The following MAP3K3 variants were observed in gnomAD, a reference collection of about 807,000 sequenced individuals.
The protein encoded by MAP3K3 is mitogen-activated protein kinase kinase kinase 3.
Under a neutral mutation model 80.9 loss-of-function variants are expected in MAP3K3, and 12 were observed. The ratio of observed to expected loss-of-function variants is 0.15; its 90% confidence interval spans 0.10 to 0.24. MAP3K3 has a LOEUF of 0.24. Ranked by LOEUF, MAP3K3 falls within the 10% of genes least tolerant of loss-of-function variation. The pLI, the probability that MAP3K3 is intolerant of heterozygous loss-of-function variation, is 1.00. For missense variants in MAP3K3, 596 were observed against 834.7 expected (o/e 0.71, Z 3.52); for synonymous variants, 272 against 307.1 (o/e 0.89, Z 1.19).
At chr17:63,655,159 AAC>A (rs1461218526) in intron 4 of MAP3K3, among the ~76,000 whole-genome samples, 1 of 152,190 alleles carries the variant, frequency 6.6e-6, no homozygotes, top group African/African-American at 2.4e-5. Context: ...AGGGAAAGCA[AAC>A]ACATCCTTCA....
At chr17:63,669,441 C>T (rs995367918) in intron 6 of MAP3K3, among the ~76,000 whole-genome samples, 5 of 152,052 alleles carry the variant, frequency 3.3e-5, no homozygotes, top group African/African-American at 1.2e-4. Flanking sequence ...GCCCCTTATA[C>T]CCATCACCAT....
chr17:63,669,928 C>T (rs1417109607), intron 6 of MAP3K3, among the ~76,000 whole-genome samples: 1 of 151,682 alleles, frequency 6.6e-6, no homozygotes, highest in East Asian at 2.0e-4. Flanking sequence ...CATGGCAAAA[C>T]CCCGTCTCTA....
intron 4 of MAP3K3, among the ~76,000 whole-genome samples, chr17:63,654,971 G>C (rs1441691654): frequency 6.6e-6 from 1 of 152,084 alleles, no homozygotes; most frequent in Non-Finnish European, 1.5e-5. Context: ...GAGAGGCGGA[G>C]GTTGCAATGA....
rs1253165185 is a variant in MAP3K3 at position 63,689,219 on chromosome 17, C to T, written c.872-325C>T. 2.8e-5 allele frequency: 15 copies of T among 527,080 alleles called. No individual in the cohort carries two copies. Among genetic ancestry groups the T allele is most frequent in the Admixed American group, 1.0e-4 (3 of 29,442 alleles). 32.7% of individuals were successfully genotyped at this position (527,080 alleles called of 1,614,324 possible). On this transcript the variant is annotated intron_variant, in intron 10 of 15. Transcript: ENST00000361733. The surrounding 1 kb of genome is among the most constrained non-coding windows in gnomAD (Gnocchi z 4.3). ...TAGGATACAAGGAAATCAGTGCCTT[C>T]GGGTGTGGCTTGGCCTTGCAAGCAA... is the stretch of plus-strand genomic sequence containing the variant.
intron 2 of MAP3K3, among the ~76,000 whole-genome samples, chr17:63,643,863 C>T (rs1435072776): frequency 1.3e-5 from 2 of 151,992 alleles, no homozygotes; most frequent in Non-Finnish European, 2.9e-5. Flanking sequence ...TTCAGGGGAA[C>T]GAGAAAAAGA....
intron 3 of MAP3K3, among the ~76,000 whole-genome samples, chr17:63,649,231 G>A (rs2034599810): frequency 6.6e-6 from 1 of 152,258 alleles, no homozygotes; most frequent in East Asian, 1.9e-4. Flanking sequence ...GAGGTCAGGA[G>A]TTCCAGACCA....
At chr17:63,670,370 G>A (rs2035080054) in intron 6 of MAP3K3, among the ~76,000 whole-genome samples, 1 of 151,940 alleles carries the variant, frequency 6.6e-6, no homozygotes, top group South Asian at 2.1e-4. Flanking sequence ...ATTGCTTGAG[G>A]CCAGGAGTTT....
intron 3 of MAP3K3, among the ~76,000 whole-genome samples, chr17:63,647,110 A>G (rs1598077435): frequency 6.6e-6 from 1 of 152,320 alleles, no homozygotes; most frequent in Admixed American, 6.5e-5. Context: ...AGCTGGCTCC[A>G]GAGGAGACCT....
At chr17:63,665,660 C>T (rs1263406979) in intron 5 of MAP3K3, among the ~76,000 whole-genome samples, 1 of 152,180 alleles carries the variant, frequency 6.6e-6, no homozygotes, top group Admixed American at 6.5e-5. Context: ...GCCTGCCTCC[C>T]CAGTATGTGG....
rs138645257 is a variant in MAP3K3 at position 63,684,699 on chromosome 17, C to T, written c.637-818C>T. On this transcript the variant is annotated intron_variant, in intron 7 of 15. Coordinates refer to ENST00000361733, the MANE Select transcript of MAP3K3 (RefSeq NM_002401.5). ...CAGAAACAAGATCTCACTATGTTGC[C>T]CAGGCTGGTCTTGAACTCCTGAGTG... 8.4e-3 allele frequency among the ~76,000 whole-genome samples: 1,277 copies of T among 152,086 alleles called. 20 individuals carry two copies. Among genetic ancestry groups the T allele is most frequent in the African/African-American group, 0.029 (1,202 of 41,500 alleles).
rs964072016 is a variant in MAP3K3, at chr17:63,691,471, G to T, written c.1344+238G>T. 8.5e-5 allele frequency among the ~76,000 whole-genome samples: 13 copies of T among 152,120 alleles called. No homozygotes were observed. Among genetic ancestry groups the T allele is most frequent in the African/African-American group, 3.1e-4 (13 of 41,410 alleles). The stretch of plus-strand genomic sequence containing the variant: ...CCAGCACTCCCCTGAGGCATGCAGG[G>T]CTGGCCCACTGTCCAGTAAATGCAG... On this transcript the variant is annotated intron_variant, in intron 13 of 15. Coordinates refer to ENST00000361733, the MANE Select transcript of MAP3K3 (RefSeq NM_002401.5). This position sits in a 1 kb window ranked among gnomAD's most constrained non-coding sequence, Gnocchi z 4.8.
chr17:63,632,838 T>C (rs1447462404), intron 2 of MAP3K3, 36 bp downstream of exon 2: 2 of 1,611,916 alleles, frequency 1.2e-6, no homozygotes, highest in South Asian at 2.2e-5. Context: ...GTGAGATTTG[T>C]TGGGGAGGGG....
intron 2 of MAP3K3, among the ~76,000 whole-genome samples, chr17:63,642,620 T>C (rs2034464847): frequency 6.6e-6 from 1 of 152,164 alleles, no homozygotes; most frequent in Middle Eastern, 3.4e-3. Flanking sequence ...ATCGCGCCAC[T>C]GCACTCCAGC....
intron 6 of MAP3K3, among the ~76,000 whole-genome samples, chr17:63,675,528 A>G (rs1041955271): frequency 4.6e-5 from 7 of 152,192 alleles, no homozygotes; most frequent in African/African-American, 1.7e-4. Flanking sequence ...AGAACCTACC[A>G]TATCCGAGGG....
chr17:63,679,775 CAT>C (rs1330496592), intron 6 of MAP3K3, among the ~76,000 whole-genome samples: 6 of 152,186 alleles, frequency 3.9e-5, no homozygotes, highest in Non-Finnish European at 8.8e-5. Context: ...CCTGGCCACA[CAT>C]GAGTTTTTGA....
rs1246944166 is a variant in MAP3K3 at position 63,622,775 on chromosome 17, C to T, written c.4+12C>T. 4 of 525,826 alleles carry T rather than the reference C, an allele frequency of 7.6e-6. No individual in the cohort carries two copies. The highest frequency in any genetic ancestry group is 3.1e-5 in the South Asian group (2 of 64,542). 32.6% of individuals were successfully genotyped at this position (525,826 alleles called of 1,614,324 possible). On this transcript the variant is annotated intron_variant, in intron 1 of 15. Coordinates refer to ENST00000361733, the MANE Select transcript of MAP3K3 (RefSeq NM_002401.5). ...CATCGCCACCATGGGTAAGTGTCGCCACCGCCCCGGCCTGTGCCCGCGCTG... is the reference window on the plus strand; with the variant it reads ...CATCGCCACCATGGGTAAGTGTCGCTACCGCCCCGGCCTGTGCCCGCGCTG...
In MAP3K3 at chr17:63,665,201, G is replaced by C. The variant is rs542301025; in HGVS notation, c.382-1739G>C. Among the ~76,000 whole-genome samples, 231 of 152,176 alleles carry C rather than the reference G, an allele frequency of 1.5e-3. 1 individual carries two copies. The Middle Eastern group carries it at 0.024, about 16-fold the overall frequency. On this transcript the variant is annotated intron_variant, in intron 5 of 15. Coordinates refer to ENST00000361733, the MANE Select transcript of MAP3K3 (RefSeq NM_002401.5). The stretch of plus-strand genomic sequence containing the variant: ...TGCCTGTAATCCCAGCTACTCGGGA[G>C]GCCGACCAGGCTGGAGTACAGTGGT...
chr17:63,632,050 A>T (rs964332210), intron 1 of MAP3K3, among the ~76,000 whole-genome samples: 3 of 152,174 alleles, frequency 2.0e-5, no homozygotes, highest in Non-Finnish European at 2.9e-5. Context: ...ATTACATTGT[A>T]CTGTGTTCTT....
intron 3 of MAP3K3, among the ~76,000 whole-genome samples, chr17:63,650,664 G>GAA (rs1400081849): frequency 8.2e-6 from 1 of 121,584 alleles, no homozygotes; most frequent in Non-Finnish European, 1.6e-5. Context: ...CTTATAGAGA[G>GAA]AGAGAGAGAG....
Sources: gnomAD v4.1 joint callset for allele counts (sites outside exome capture counted in the v4.1 genomes callset) on GRCh38, gnomAD v4.1.1 for gene constraint, Gnocchi (gnomAD v3.1) non-coding constraint, MANE v1.5 for transcripts, NCBI Gene and HGNC (gene_info 2026-07-23, HGNC 2026-07-21) for gene names.